Variants in GALNT14 observed in about 807,000 individuals in gnomAD.
GALNT14 encodes the protein polypeptide N-acetylgalactosaminyltransferase 14.
A neutral mutation model predicts 77.5 loss-of-function variants in GALNT14; 60 were observed. The ratio of observed to expected loss-of-function variants is 0.77; its 90% CI spans 0.63 to 0.96. The LOEUF is 0.96. Among genes scored for constraint, GALNT14 ranks in the 40% least tolerant of loss-of-function variants. The pLI, the probability that GALNT14 is intolerant of heterozygous loss-of-function variation, is 0.00. For missense variants in GALNT14, 710 were observed against 731.0 expected, an observed-to-expected ratio of 0.97 and a Z score of 0.33; for synonymous variants, 280 against 281.7, an observed-to-expected ratio of 0.99 and a Z score of 0.06.
intron 1 of GALNT14, among the ~76,000 whole-genome samples, chr2:30,997,603 T>C (rs1482112204): frequency 6.6e-6 from 1 of 152,214 alleles, no homozygotes; most frequent in African/African-American, 2.4e-5. Context: ...CGCTTCACTT[T>C]CTGACTAGAA....
intron 1 of GALNT14, among the ~76,000 whole-genome samples, chr2:30,996,513 C>T (rs1231615120): frequency 7.2e-5 from 11 of 152,202 alleles, no homozygotes; most frequent in Admixed American, 2.6e-4. Flanking sequence ...GCACGCATGA[C>T]GACACCAGAG....
In GALNT14 at chr2:30,958,319, T is replaced by C. The variant is rs1397633444; in HGVS notation, c.466+78A>G. The C allele has an allele frequency of 3.2e-6, 4 of 1,262,258 alleles. No homozygotes were observed. In the East Asian group the frequency reaches 7.0e-5, roughly 22 times the overall value. The allele number at this position is 1,262,258 out of a possible 1,614,324, so 78.2% of individuals were successfully genotyped here. ...CTTTTCCCCATTCCCAGAAAACCAG[T>C]GGACTCACCTCTGCCTGTTACAGAG... On this transcript the variant is annotated intron_variant, in intron 4 of 14. Coordinates refer to ENST00000349752, the MANE Select transcript of GALNT14 (RefSeq NM_024572.4).
intron 1 of GALNT14, among the ~76,000 whole-genome samples, chr2:31,050,906 C>A (rs978112108): frequency 3.3e-5 from 5 of 151,760 alleles, no homozygotes; most frequent in African/African-American, 1.2e-4. Flanking sequence ...GGAGAGACAG[C>A]CTGTGAGTCA....
Position 31,026,450 on chromosome 2 carries a change from C to T in GALNT14, c.130-33443G>A, listed in dbSNP as rs191856545. On this transcript the variant is annotated intron_variant, in intron 1 of 14. Transcript: ENST00000349752. ...GAGTGTCTTGTCTTCTCTCCCCAGA[C>T]GGACAAGGAGCGTGGCCTGTGATAG... Among the ~76,000 whole-genome samples, 152 of 152,310 alleles carry T rather than the reference C, an allele frequency of 1.0e-3. 3 individuals are homozygous for T. In the South Asian group the frequency reaches 0.013, roughly 13 times the overall value.
At chr2:30,935,820 G>A (rs1269388293) in intron 9 of GALNT14, among the ~76,000 whole-genome samples, 3 of 152,164 alleles carry the variant, frequency 2.0e-5, no homozygotes, top group East Asian at 1.9e-4. Context: ...TCCTGTGAAG[G>A]GGGCTTGGAC....
Position 31,128,514 on chromosome 2 carries a change from C to T in GALNT14, c.129+9444G>A, listed in dbSNP as rs541969530. ...ATTGCTTCCTATAGTTTAAGGACCA[C>T]ATTCATCAAGAAAGGGACTCAAACA... On this transcript the variant is annotated intron_variant, in intron 1 of 14. Transcript: ENST00000349752. Among the ~76,000 whole-genome samples, 3 of 152,330 alleles carry T rather than the reference C, an allele frequency of 2.0e-5. No individual in the cohort carries two copies. The East Asian group carries it at 5.8e-4, about 29-fold the overall frequency.
At position 31,030,914 on chromosome 2, in the gene GALNT14, T is replaced by C. The variant is rs139503972; in HGVS notation, c.130-37907A>G. On this transcript the variant is annotated intron_variant, in intron 1 of 14. Transcript: ENST00000349752. ...TTTTCTTGGGATGCCTATTTATCTG[T>C]GTATTTTGCATTCACTGGGGGGCTG... Among the ~76,000 whole-genome samples the C allele has an allele frequency of 6.6e-3, 1,007 of 152,294 alleles. 10 individuals are homozygous for C. Among genetic ancestry groups the C allele is most frequent in the Middle Eastern group, 0.031 (9 of 294 alleles).
intron 1 of GALNT14, among the ~76,000 whole-genome samples, chr2:31,009,014 C>T (rs1470726769): frequency 6.6e-6 from 1 of 152,188 alleles, no homozygotes; most frequent in Admixed American, 6.5e-5. Flanking sequence ...AGCCCTTGAA[C>T]AAAATCAATG....
rs1222582860 is a variant in GALNT14, at chr2:30,942,188, G to C, written c.931+13C>G. 2 of 1,586,694 alleles carry C rather than the reference G, an allele frequency of 1.3e-6. No homozygotes were observed. The highest frequency in any genetic ancestry group is 8.7e-7 in the Non-Finnish European group (1 of 1,155,116). On this transcript the variant is annotated intron_variant, in intron 9 of 14. Transcript: ENST00000349752. ...AGAACAGCATAGGTCAGGATGCAGA[G>C]GCAGGGACTCACCAAAGTTCTCCCC...
At chr2:30,993,451 T>A (rs938682028) in intron 1 of GALNT14, among the ~76,000 whole-genome samples, 2 of 152,214 alleles carry the variant, frequency 1.3e-5, no homozygotes, top group Non-Finnish European at 2.9e-5. Context: ...ATACCTGGTA[T>A]GAAAGTGCTT....
chr2:30,953,384 C>G (rs1667159207), intron 6 of GALNT14, among the ~76,000 whole-genome samples: 1 of 147,340 alleles, frequency 6.8e-6, no homozygotes, highest in Admixed American at 6.8e-5. Flanking sequence ...TCTCGATTCA[C>G]TGCAACCACT....
chr2:31,123,485 C>A (rs1187863528), intron 1 of GALNT14, among the ~76,000 whole-genome samples: 1 of 152,172 alleles, frequency 6.6e-6, no homozygotes, highest in African/African-American at 2.4e-5. Context: ...CTGGCTTTCC[C>A]TTCCTGTTAT....
intron 1 of GALNT14, among the ~76,000 whole-genome samples, chr2:31,056,427 C>T (rs1674211672): frequency 6.6e-6 from 1 of 152,192 alleles, no homozygotes; most frequent in Non-Finnish European, 1.5e-5. Context: ...CTCAGGCGTA[C>T]TCCTGGAGGT....
intron 2 of GALNT14, among the ~76,000 whole-genome samples, chr2:30,992,457 C>T (rs113657542): frequency 1.7e-3 from 257 of 152,324 alleles, no homozygotes; most frequent in African/African-American, 5.7e-3. Flanking sequence ...GTCCAATCAT[C>T]CTGCCTTCCC....
intron 9 of GALNT14, among the ~76,000 whole-genome samples, chr2:30,933,547 T>C (rs569481735): frequency 2.0e-4 from 30 of 152,180 alleles, no homozygotes; most frequent in Non-Finnish European, 3.4e-4. Context: ...GTAAGACTTC[T>C]TTCACACTAG....
rs138298782 is a variant in GALNT14, at chr2:30,985,812, C to T, written c.299+7026G>A. Reference sequence around the variant, plus strand: ...GCAAAAGCTAAGTATCTGTGATGGGCTCCCCCTCCCCTCCCCTCAGCCTTG... The same window carrying T: ...GCAAAAGCTAAGTATCTGTGATGGGTTCCCCCTCCCCTCCCCTCAGCCTTG... On this transcript the variant is annotated intron_variant, in intron 2 of 14. Transcript: ENST00000349752. Among the ~76,000 whole-genome samples the T allele has an allele frequency of 2.0e-5, 3 of 152,202 alleles. No individual in the cohort carries two copies. The South Asian group carries it at 6.2e-4, about 32-fold the overall frequency.
At chr2:31,073,781 T>A (rs980448672) in intron 1 of GALNT14, among the ~76,000 whole-genome samples, 1 of 152,164 alleles carries the variant, frequency 6.6e-6, no homozygotes, top group Admixed American at 6.5e-5. Context: ...GACTTGGAGT[T>A]TGACTTGGAT....
At chr2:31,116,008 G>C (rs1158366328) in intron 1 of GALNT14, among the ~76,000 whole-genome samples, 1 of 152,174 alleles carries the variant, frequency 6.6e-6, no homozygotes, top group African/African-American at 2.4e-5. Context: ...GTGACAGAGA[G>C]ACAGATCCTG....
At position 30,967,704 on chromosome 2, in the gene GALNT14, G is replaced by A. The variant is rs1010295260; in HGVS notation, c.300-1402C>T. On this transcript the variant is annotated intron_variant, in intron 2 of 14. Transcript: ENST00000349752. ...CCTCTCAGACAGTCCTTTTTTCTCA[G>A]GGGAGCACTGCAGCAGCTTCCTGAC... 3.3e-5 allele frequency among the ~76,000 whole-genome samples: 5 copies of A among 152,162 alleles called. No individual in the cohort carries two copies. In the South Asian group the frequency reaches 8.3e-4, roughly 25 times the overall value.
Sources: allele counts gnomAD v4.1 joint callset (sites outside exome capture counted in the v4.1 genomes callset), GRCh38; gene constraint gnomAD v4.1.1; transcripts MANE v1.5; gene names NCBI Gene and HGNC (gene_info 2026-07-23, HGNC 2026-07-21).